Variants in KIAA0586 observed in about 807,000 individuals in gnomAD.
KIAA0586 encodes the protein KIAA0586, also known as protein TALPID3.
In KIAA0586, 144 loss-of-function variants were observed where a neutral mutation model predicts 169.8. The observed-to-expected ratio is 0.85, with a 90% CI of 0.74 to 0.97. KIAA0586 has a LOEUF of 0.97. Among genes scored for constraint, KIAA0586 ranks in the 50% least tolerant of loss-of-function variants. The probability of loss-of-function intolerance (pLI) is 0.00; values close to 1 mark genes in which losing one functional copy is unlikely to be tolerated. For missense variants in KIAA0586, 1,854 were observed against 1,823.0 expected (o/e 1.02, Z -0.31); for synonymous variants, 625 against 612.4 (o/e 1.02, Z -0.30).
At position 58,427,792 on chromosome 14, in the gene KIAA0586, T is replaced by G. The variant is rs1595046333; in HGVS notation, c.-473T>G. 6.6e-7 allele frequency: 1 copy of G among 1,512,790 alleles called. No individual in the cohort carries two copies. Among genetic ancestry groups the G allele is most frequent in the African/African-American group, 1.4e-5 (1 of 72,350 alleles). The allele number at this position is 1,512,790 out of a possible 1,614,324, so 93.7% of individuals were successfully genotyped here. ...AGATACGTAGGGGTGAATTTATGTT[T>G]CCGACGATTGCATCTGGAGGGGTGT... is the stretch of plus-strand genomic sequence containing the variant. On this transcript the variant is annotated 5_prime_UTR_variant, in exon 1 of 31. Coordinates refer to ENST00000652326, the MANE Select transcript of KIAA0586 (RefSeq NM_001329943.3).
chr14:58,488,446 T>C (rs2042619345), intron 23 of KIAA0586, among the ~76,000 whole-genome samples, 175 bp from the exon 24 acceptor site: 1 of 152,220 alleles, frequency 6.6e-6, no homozygotes, highest in South Asian at 2.1e-4. Flanking sequence ...GCTTTCAAGA[T>C]GGCCTATGAT....
rs774438246 is a variant in KIAA0586, at chr14:58,504,400, G to A, written c.4169-4155G>A. On this transcript the variant is annotated intron_variant, in intron 27 of 30. Coordinates refer to ENST00000652326, the MANE Select transcript of KIAA0586 (RefSeq NM_001329943.3). ...GTCATCTCAGTCACTGAGAGAGAGC[G>A]AATATGGAGGAAGGACAGAATTAGG... Among the ~76,000 whole-genome samples, 25 of 152,244 alleles carry A rather than the reference G, an allele frequency of 1.6e-4. No individual in the cohort carries two copies. The East Asian group carries it at 2.5e-3, about 15-fold the overall frequency.
intron 27 of KIAA0586, among the ~76,000 whole-genome samples, chr14:58,503,448 A>G (rs930027093): frequency 6.6e-6 from 1 of 152,202 alleles, no homozygotes; most frequent in Admixed American, 6.5e-5. Context: ...TTATGATAAG[A>G]ATATTCCAGT....
Position 58,547,989 on chromosome 14 carries a change from T to C in KIAA0586, c.*57T>C. ...CCACTGGTTTTAAAGTCATTTTACC[T>C]TGGCTTAAAACCCTCTCTCAGACTG... On this transcript the variant is annotated 3_prime_UTR_variant, in exon 31 of 31. Transcript: ENST00000652326. 3.1e-6 allele frequency: 5 copies of C among 1,593,628 alleles called. No homozygotes were observed. The highest frequency in any genetic ancestry group is 3.4e-6 in the Non-Finnish European group (4 of 1,166,332).
chr14:58,427,492 T>G, upstream of KIAA0586: 16 of 1,163,348 alleles, frequency 1.4e-5, no homozygotes, highest in Non-Finnish European at 1.8e-5. Flanking sequence ...AAGTCTTGGA[T>G]GAGACTGTAG....
At chr14:58,537,718 G>T (rs2046385050) in intron 29 of KIAA0586, among the ~76,000 whole-genome samples, 1 of 152,008 alleles carries the variant, frequency 6.6e-6, no homozygotes, top group Admixed American at 6.5e-5. Context: ...CGTGATCTTG[G>T]CTCACTGCAA....
chr14:58,470,366 T>G (rs897901206), intron 16 of KIAA0586, among the ~76,000 whole-genome samples: 4 of 152,118 alleles, frequency 2.6e-5, no homozygotes, highest in African/African-American at 9.6e-5. Flanking sequence ...AAGGGAATAG[T>G]GAAAATGAAG....
rs1386345549 is a variant in KIAA0586 at position 58,474,650 on chromosome 14, T to G, written c.2678T>G (p.Leu893Arg). The G allele has an allele frequency of 6.2e-7, 1 of 1,603,170 alleles. No individual in the cohort carries two copies. The highest frequency in any genetic ancestry group is 2.2e-5 in the East Asian group (1 of 44,622). The change falls in exon 19 of 31, where the codon CTG becomes CGG. Residue 893 changes from leucine (L) to arginine (R), a missense_variant. Leu to Arg is a moderately radical substitution (Grantham distance 102, BLOSUM62 -2). Transcript: ENST00000652326. ...GAAATTCCAGACTCTGAACCAATTC[T>G]GGAGTTTAACAGAAGTGTTAAAGCT... ...CDEIPDSEPI[L>R]EFNRSVKADS... is the part of the protein sequence containing the mutation.
intron 21 of KIAA0586, among the ~76,000 whole-genome samples, chr14:58,484,567 A>G (rs1335841892): frequency 6.6e-6 from 1 of 151,888 alleles, no homozygotes; most frequent in Admixed American, 6.6e-5. Context: ...ATTATCCATT[A>G]CCAATACTAG....
chr14:58,482,486 A>T (rs2042103118), intron 20 of KIAA0586, 27 bp from the exon 21 acceptor site: 1 of 1,423,160 alleles, frequency 7.0e-7, no homozygotes, highest in African/African-American at 1.5e-5. Context: ...TTGCCCACTT[A>T]TTCTGATTTT....
chr14:58,500,399 C>T (rs562964116), intron 27 of KIAA0586, among the ~76,000 whole-genome samples: 1 of 152,304 alleles, frequency 6.6e-6, no homozygotes, highest in African/African-American at 2.4e-5. Flanking sequence ...ACAGCGGAGC[C>T]TTTTTGTGCT....
rs1457508706 is a variant in KIAA0586 at position 58,490,189 on chromosome 14, G to A, written c.3807G>A (p.Leu1269=). 4 of 1,527,246 alleles carry A rather than the reference G, an allele frequency of 2.6e-6. No individual in the cohort carries two copies. The highest frequency in any genetic ancestry group is 8.9e-7 in the Non-Finnish European group (1 of 1,127,308). 94.6% of individuals were successfully genotyped at this position (1,527,246 alleles called of 1,614,324 possible). A position where few individuals can be genotyped will look rare whatever the true frequency, so the allele number is the denominator to read the frequency against. Residue 1269 remains leucine, a synonymous_variant, in exon 25 of 31, where the codon CTG becomes CTA. Transcript: ENST00000652326. ...TTTTAGAAGATATAGGACTGTACCT[G>A]ACAAACCTTAATGATAGCTTATCCA... ...PKILEDIGLY[L]TNLNDSLSST...
At chr14:58,531,303 G>C (rs149103172) in intron 29 of KIAA0586, among the ~76,000 whole-genome samples, 1,937 of 150,634 alleles carry the variant, frequency 0.013, 27 homozygotes, top group Middle Eastern at 0.041. Flanking sequence ...CTCCAGCCTG[G>C]GGGACAGACC....
intron 29 of KIAA0586, among the ~76,000 whole-genome samples, chr14:58,513,680 A>G (rs1245030395): frequency 6.6e-6 from 1 of 151,974 alleles, no homozygotes; most frequent in African/African-American, 2.4e-5. Context: ...TCATGATAGT[A>G]TATCGATATG....
At chr14:58,430,098 T>C (rs911821138) in intron 2 of KIAA0586, among the ~76,000 whole-genome samples, 1 of 152,086 alleles carries the variant, frequency 6.6e-6, no homozygotes, top group African/African-American at 2.4e-5. Context: ...CACAATAAAA[T>C]GTATAATTAT....
chr14:58,486,356 A>T (rs570749436), intron 21 of KIAA0586, among the ~76,000 whole-genome samples: 2 of 152,198 alleles, frequency 1.3e-5, no homozygotes, highest in Non-Finnish European at 2.9e-5. Context: ...TCCACCATTG[A>T]TGGGCACCTA....
At position 58,498,892 on chromosome 14, in the gene KIAA0586, C is replaced by T. The variant is rs769308638; in HGVS notation, c.4100C>T (p.Thr1367Ile). ...GHSLYMQPPVTNTQSLDQQCD... is the reference protein window; with the variant it reads ...GHSLYMQPPVINTQSLDQQCD... ...TCTCTCTATATGCAGCCACCTGTCA[C>T]TAATACACAGTCTTTGGATCAACAA... The change falls in exon 27 of 31, where the codon ACT becomes ATT. Residue 1367 changes from threonine to isoleucine, a missense_variant. By Grantham distance (89) the Thr-to-Ile change is moderately conservative. Transcript: ENST00000652326. 13 of 1,612,664 alleles carry T rather than the reference C, an allele frequency of 8.1e-6. No homozygotes were observed. The highest frequency in any genetic ancestry group is 1.1e-5 in the Non-Finnish European group (13 of 1,179,398).
chr14:58,471,086 A>G (rs2041182004), intron 17 of KIAA0586, among the ~76,000 whole-genome samples: 1 of 152,154 alleles, frequency 6.6e-6, no homozygotes, highest in Admixed American at 6.5e-5. Context: ...TCCTGACTCC[A>G]AGTGATCCCT....
At chr14:58,482,271 C>G (rs534002139) in intron 20 of KIAA0586, among the ~76,000 whole-genome samples, 1 of 151,820 alleles carries the variant, frequency 6.6e-6, no homozygotes, top group South Asian at 2.1e-4. Flanking sequence ...ACTAAAAATA[C>G]AAAAATTAGC....
Sources: gnomAD v4.1 joint callset for allele counts (sites outside exome capture counted in the v4.1 genomes callset) on GRCh38, gnomAD v4.1.1 for gene constraint, MANE v1.5 for transcripts, NCBI Gene and HGNC (gene_info 2026-07-23, HGNC 2026-07-21) for gene names.